The following DOCK4 variants were observed in gnomAD, a reference collection of about 807,000 sequenced individuals.
DOCK4 encodes dedicator of cytokinesis 4, also known as dedicator of cytokinesis protein 4.
A neutral mutation model predicts 268.1 loss-of-function variants in DOCK4; 97 were observed. That is an observed-to-expected ratio of 0.36 (90% confidence interval 0.31 to 0.43). DOCK4 has a LOEUF of 0.43. Ranked by LOEUF, DOCK4 falls within the 20% of genes least tolerant of loss-of-function variation. The pLI, the probability that DOCK4 is intolerant of heterozygous loss-of-function variation, is 1.00. For missense variants in DOCK4, 2,145 were observed against 2,455.7 expected, an observed-to-expected ratio of 0.87 and a Z score of 2.67; for synonymous variants, 954 against 887.2, an observed-to-expected ratio of 1.08 and a Z score of -1.34.
At chr7:112,114,906 A>T (rs774142227) in intron 1 of DOCK4, among the ~76,000 whole-genome samples, 3 of 152,190 alleles carry the variant, frequency 2.0e-5, no homozygotes, top group Non-Finnish European at 2.9e-5. Context: ...ATTATCATGA[A>T]AATAATTTTG....
chr7:111,730,104 T>C (rs1794976066), intron 52 of DOCK4, among the ~76,000 whole-genome samples: 1 of 152,130 alleles, frequency 6.6e-6, no homozygotes, highest in East Asian at 1.9e-4. Flanking sequence ...CCGGCCTCCT[T>C]CATTTGTGTC....
chr7:111,987,617 A>G (rs532327309), intron 6 of DOCK4, among the ~76,000 whole-genome samples: 20 of 152,290 alleles, frequency 1.3e-4, no homozygotes, highest in Admixed American at 4.6e-4. Flanking sequence ...TTCCCTGTAA[A>G]TGGCTGGCAA....
rs772526191 is a variant in DOCK4 at position 111,868,069 on chromosome 7, C to T, written c.2195G>A (p.Arg732His). The T allele has an allele frequency of 1.2e-5, 20 of 1,613,472 alleles. No individual in the cohort carries two copies. The highest frequency in any genetic ancestry group is 1.5e-5 in the Non-Finnish European group (18 of 1,179,708). The stretch of plus-strand genomic sequence containing the variant: ...CATGAGAAGCTCCTGAATGCAGCAG[C>T]GGAACTCCTCTTCGTTTTGCCCACC... ...ATGGQNEEEF[R>H]CCIQELLMSV... The change falls in exon 22 of 53, where the codon CGC becomes CAC. Residue 732 changes from arginine to histidine, a missense_variant. Around this residue, in one of 2 missense-constraint regions of DOCK4, gnomAD observed 1,598 missense variants for 1,986.7 expected, o/e 0.80. Coordinates refer to ENST00000428084, the MANE Select transcript of DOCK4 (RefSeq NM_001363540.2).
intron 8 of DOCK4, among the ~76,000 whole-genome samples, chr7:111,974,955 T>C (rs1798053142): frequency 6.6e-6 from 1 of 152,188 alleles, no homozygotes; most frequent in South Asian, 2.1e-4. Flanking sequence ...GGGGAGTTTG[T>C]ATTCCACAAA....
In DOCK4 at chr7:112,033,997, T is replaced by C. The variant is rs902456338; in HGVS notation, c.38-29866A>G. 2.6e-5 allele frequency among the ~76,000 whole-genome samples: 4 copies of C among 152,356 alleles called. No individual in the cohort carries two copies. In the East Asian group the frequency reaches 7.7e-4, roughly 29 times the overall value. ...TTTCAATTCATGGGCTAATCCATTG[T>C]GCTTTTGATTGCGTTTTGGCTCTCA... On this transcript the variant is annotated intron_variant, in intron 1 of 52. Transcript: ENST00000428084.
At chr7:112,026,488 G>C (rs1320913309) in intron 1 of DOCK4, among the ~76,000 whole-genome samples, 2 of 152,152 alleles carry the variant, frequency 1.3e-5, no homozygotes, top group Non-Finnish European at 1.5e-5. Context: ...CCCTAAAAGA[G>C]GGCCAACAAA....
At chr7:111,991,793 C>T (rs1033598177) in intron 5 of DOCK4, among the ~76,000 whole-genome samples, 3 of 151,724 alleles carry the variant, frequency 2.0e-5, no homozygotes, top group Admixed American at 6.6e-5. Flanking sequence ...AACCCCGTCT[C>T]TACTAAAAAT....
intron 43 of DOCK4, 119 bp downstream of exon 43, chr7:111,747,148 G>T: frequency 1.2e-6 from 1 of 866,460 alleles, no homozygotes; most frequent in Non-Finnish European, 1.7e-6. Flanking sequence ...AGGACTCTGT[G>T]TCAATCGCAG....
chr7:112,001,803 C>T (rs1480006131), intron 2 of DOCK4, among the ~76,000 whole-genome samples: 1 of 152,154 alleles, frequency 6.6e-6, no homozygotes, highest in Non-Finnish European at 1.5e-5. Flanking sequence ...AGGTTCAGTA[C>T]CATCCAAGGT....
chr7:112,020,463 A>T (rs1429966136), intron 1 of DOCK4, among the ~76,000 whole-genome samples: 1 of 152,162 alleles, frequency 6.6e-6, no homozygotes, highest in Non-Finnish European at 1.5e-5. Flanking sequence ...CCCTTCATGC[A>T]GTCTGTAGCT....
Position 112,018,179 on chromosome 7 carries a change from A to AAAAAAAAAAAAAAAACAAC in DOCK4, c.38-14049_38-14048insGTTGTTTTTTTTTTTTTTT. ...AAAAAAAAAAAAAAAAAAAAAAAAAAACACAGGCAACCAGTATTCATGTGG... is the reference window on the plus strand; with the variant it reads ...AAAAAAAAAAAAAAAAAAAAAAAAAAAAAAAAAAAAAAAAACAACACACAGGCAACCAGTATTCATGTGG... On this transcript the variant is annotated intron_variant, in intron 1 of 52. Coordinates refer to ENST00000428084, the MANE Select transcript of DOCK4 (RefSeq NM_001363540.2). Among the ~76,000 whole-genome samples the AAAAAAAAAAAAAAAACAAC allele has an allele frequency of 1.2e-4, 9 of 72,590 alleles. 1 individual carries two copies. The highest frequency in any genetic ancestry group is 4.0e-4 in the East Asian group (1 of 2,478). The allele number at this position is 72,590 out of a possible 152,430, so 47.6% of individuals were successfully genotyped here.
chr7:112,200,336 G>A (rs1425344435), intron 1 of DOCK4, among the ~76,000 whole-genome samples: 1 of 152,050 alleles, frequency 6.6e-6, no homozygotes, highest in African/African-American at 2.4e-5. Context: ...TATTTCTTAT[G>A]GGTAATAGTC....
intron 36 of DOCK4, among the ~76,000 whole-genome samples, chr7:111,771,301 T>G (rs1269029229): frequency 6.6e-6 from 1 of 152,184 alleles, no homozygotes; most frequent in East Asian, 1.9e-4. Context: ...GCTCCAGTCC[T>G]CATAGTTGGA....
chr7:112,005,235 A>C (rs1423806981), intron 1 of DOCK4, among the ~76,000 whole-genome samples: 1 of 152,206 alleles, frequency 6.6e-6, no homozygotes, highest in Non-Finnish European at 1.5e-5. Context: ...ACTGTTGGGA[A>C]TGTATATTTT....
chr7:111,908,477 A>AATG (rs1176050568), intron 13 of DOCK4, among the ~76,000 whole-genome samples: 2 of 151,700 alleles, frequency 1.3e-5, no homozygotes, highest in Non-Finnish European at 2.9e-5. Context: ...TAATAATAAT[A>AATG]ATAATGAAAT....
chr7:111,914,832 G>T (rs571505890), intron 13 of DOCK4, among the ~76,000 whole-genome samples: 1 of 152,146 alleles, frequency 6.6e-6, no homozygotes, highest in Non-Finnish European at 1.5e-5. Context: ...AAGTCCTATG[G>T]GTTTCTTCTG....
intron 29 of DOCK4, 40 bp from the exon 30 acceptor site, chr7:111,808,919 C>T (rs754487226): frequency 6.3e-7 from 1 of 1,594,878 alleles, no homozygotes; most frequent in Non-Finnish European, 8.6e-7. Context: ...ACAATGCCTC[C>T]AGAACAAGGA....
At chr7:112,004,741 G>A (rs1260336681) in intron 1 of DOCK4, among the ~76,000 whole-genome samples, 1 of 152,092 alleles carries the variant, frequency 6.6e-6, no homozygotes, top group Non-Finnish European at 1.5e-5. Context: ...GTAATGACTG[G>A]GCCCTCCCGC....
intron 20 of DOCK4, among the ~76,000 whole-genome samples, chr7:111,871,268 G>A (rs1056774322): frequency 3.3e-5 from 5 of 152,192 alleles, no homozygotes; most frequent in Non-Finnish European, 7.3e-5. Context: ...GGAGACAGAC[G>A]ATGGGGTACA....
Sources: gnomAD v4.1 joint callset for allele counts (sites outside exome capture counted in the v4.1 genomes callset) on GRCh38, gnomAD v4.1.1 for gene constraint, gnomAD v4.1.1 regional missense constraint, MANE v1.5 for transcripts, NCBI Gene and HGNC (gene_info 2026-07-23, HGNC 2026-07-21) for gene names.